The following SGSM1 variants were observed in gnomAD, a reference collection of about 807,000 sequenced individuals.
SGSM1 encodes the protein small G protein signaling modulator 1.
Under a neutral mutation model 133.8 loss-of-function variants are expected in SGSM1, and 73 were observed. The ratio of observed to expected loss-of-function variants is 0.55; its 90% CI spans 0.45 to 0.66. The LOEUF (loss-of-function observed/expected upper bound fraction) is 0.66. Ranked by LOEUF, SGSM1 falls within the 30% of genes least tolerant of loss-of-function variation. SGSM1 has a pLI of 0.00. For missense variants in SGSM1, 1,213 were observed against 1,448.1 expected, an observed-to-expected ratio of 0.84 and a Z score of 2.64; for synonymous variants, 563 against 573.0, an observed-to-expected ratio of 0.98 and a Z score of 0.25.
At chr22:24,826,930 A>G (rs1419225732) in intron 2 of SGSM1, among the ~76,000 whole-genome samples, 2 of 152,140 alleles carry the variant, frequency 1.3e-5, no homozygotes, top group African/African-American at 4.8e-5. Flanking sequence ...CTGAGGCCCA[A>G]GGTCACCCAG....
chr22:24,906,782 A>AT (rs932827204), intron 21 of SGSM1, among the ~76,000 whole-genome samples: 4 of 151,986 alleles, frequency 2.6e-5, no homozygotes, highest in Non-Finnish European at 4.4e-5. Context: ...AAAATAAAAC[A>AT]TAAAAAAAAG....
intron 14 of SGSM1, among the ~76,000 whole-genome samples, chr22:24,883,494 T>A (rs1417629537): frequency 6.6e-6 from 1 of 152,162 alleles, no homozygotes; most frequent in Non-Finnish European, 1.5e-5. Context: ...TGCTTTGGCT[T>A]AGAGCAGAGA....
intron 22 of SGSM1, among the ~76,000 whole-genome samples, chr22:24,915,540 A>G (rs903766231): frequency 1.3e-5 from 2 of 151,994 alleles, no homozygotes; most frequent in African/African-American, 2.4e-5. Flanking sequence ...GTGATTTATA[A>G]TTTTTTTTAT....
At chr22:24,893,302 G>T (rs866575580) in intron 16 of SGSM1, 129 bp from the exon 17 acceptor site, 3 of 970,058 alleles carry the variant, frequency 3.1e-6, no homozygotes, top group East Asian at 5.4e-5. Flanking sequence ...TAGGTGCTCA[G>T]TTAATATCTG....
At chr22:24,807,284 A>G (rs1927462360) in intron 2 of SGSM1, among the ~76,000 whole-genome samples, 1 of 152,070 alleles carries the variant, frequency 6.6e-6, no homozygotes, top group African/African-American at 2.4e-5. Context: ...TGCATGGGTG[A>G]GGACCTGTGG....
chr22:24,906,994 A>G (rs1479447219), intron 21 of SGSM1, among the ~76,000 whole-genome samples: 6 of 150,146 alleles, frequency 4.0e-5, no homozygotes, highest in African/African-American at 1.5e-4. Context: ...GGCATGGTGG[A>G]TCACGCCTGT....
At chr22:24,881,038 A>G (rs892071989) in intron 14 of SGSM1, among the ~76,000 whole-genome samples, 3 of 151,744 alleles carry the variant, frequency 2.0e-5, no homozygotes, top group Admixed American at 1.3e-4. Context: ...TAAAAATACA[A>G]AAAAATTGGC....
intron 2 of SGSM1, among the ~76,000 whole-genome samples, chr22:24,822,088 C>CTCTCTTTTTTTTTTTTTTTTTTTTTTT (rs1555920070): frequency 1.0e-5 from 1 of 96,178 alleles, no homozygotes; most frequent in East Asian, 3.9e-4. Context: ...TCATCTCTCT[C>CTCTCTTTTTTTTTTTTTTTTTTTTTTT]TTTTTTTTTT....
At position 24,884,197 on chromosome 22, in the gene SGSM1, C is replaced by T; in HGVS notation, c.1640C>T (p.Thr547Ile). 6.2e-7 allele frequency: 1 copy of T among 1,612,618 alleles called. No individual in the cohort carries two copies. The highest frequency in any genetic ancestry group is 8.5e-7 in the Non-Finnish European group (1 of 1,178,918). ...TGGGAGCAGTACCTTCACGACAGCA[C>T]AGTAAGGCTTAGCTGGGCTTGGTCT... ...RIWEQYLHDSTSYEEQELLRL... is the reference protein window; with the variant it reads ...RIWEQYLHDSISYEEQELLRL... The change falls in exon 15 of 25, where the codon ACA becomes ATA. Residue 547 changes from threonine to isoleucine, a missense_variant and splice_region_variant. Coordinates refer to ENST00000400358, the MANE Select transcript of SGSM1 (RefSeq NM_001098497.3).
intron 12 of SGSM1, 90 bp downstream of exon 12, chr22:24,868,945 C>T: frequency 6.6e-7 from 1 of 1,525,416 alleles, no homozygotes; most frequent in Non-Finnish European, 8.8e-7. Flanking sequence ...GATGACAGGT[C>T]TGGATTCTGG....
chr22:24,874,528 G>A lies in SGSM1; in HGVS notation c.1292-2049G>A, dbSNP rs191931854. Reference sequence around the variant, plus strand: ...GGCCAGAGGGAGTCAGTGGGAGCCAGCCAGATGGGACACTACTCTCCCCAC... The same window carrying A: ...GGCCAGAGGGAGTCAGTGGGAGCCAACCAGATGGGACACTACTCTCCCCAC... On this transcript the variant is annotated intron_variant, in intron 12 of 24. Coordinates refer to ENST00000400358, the MANE Select transcript of SGSM1 (RefSeq NM_001098497.3). The A allele has an allele frequency of 1.2e-4, 190 of 1,612,248 alleles. No homozygotes were observed. The East Asian group carries it at 3.7e-3, about 31-fold the overall frequency.
At chr22:24,924,114 C>A in intron 24 of SGSM1, 72 bp from the exon 25 acceptor site, 1 of 1,414,106 alleles carries the variant, frequency 7.1e-7, no homozygotes, top group Non-Finnish European at 9.9e-7. Context: ...GAGAAGCCTC[C>A]AGGGGCTGGA....
At chr22:24,822,570 T>C (rs1403168939) in intron 2 of SGSM1, among the ~76,000 whole-genome samples, 1 of 152,200 alleles carries the variant, frequency 6.6e-6, no homozygotes, top group Non-Finnish European at 1.5e-5. Flanking sequence ...ACGATTCCTC[T>C]TGGGGAGCTG....
chr22:24,811,954 A>G (rs1234553949), intron 2 of SGSM1, among the ~76,000 whole-genome samples: 4 of 151,566 alleles, frequency 2.6e-5, no homozygotes, highest in Non-Finnish European at 5.9e-5. Flanking sequence ...GGATCACTTG[A>G]GGTCAGGAGT....
In SGSM1 at chr22:24,898,096, C is replaced by T. The variant is rs764964459; in HGVS notation, c.2147C>T (p.Ser716Phe). 4 of 1,613,854 alleles carry T rather than the reference C, an allele frequency of 2.5e-6. No homozygotes were observed. The East Asian group carries it at 8.9e-5, about 36-fold the overall frequency. The change falls in exon 19 of 25, where the codon TCC (serine) becomes TTC (phenylalanine). Residue 716 changes from serine to phenylalanine, a missense_variant. Physicochemically the swap from Ser to Phe is radical, Grantham distance 155. Transcript: ENST00000400358. ...GTCSPDSGHP[S>F]SHNFSSGLSE... ...TGTTCCCCAGACTCGGGTCATCCTT[C>T]CTCCCATAACTTCTCCTCGGGCCTC...
At chr22:24,903,244 T>C (rs1033679241) in intron 20 of SGSM1, among the ~76,000 whole-genome samples, 1 of 152,000 alleles carries the variant, frequency 6.6e-6, no homozygotes, top group African/African-American at 2.4e-5. Context: ...AGTCTCGCTC[T>C]GTTGCCCAGG....
At chr22:24,885,524 C>T (rs1362180098) in intron 15 of SGSM1, among the ~76,000 whole-genome samples, 5 of 151,026 alleles carry the variant, frequency 3.3e-5, no homozygotes, top group African/African-American at 4.9e-5. Context: ...CTGCAAGCTC[C>T]GCTTCCCGGG....
chr22:24,868,232 C>T, intron 10 of SGSM1, 144 bp from the exon 11 acceptor site: 1 of 1,152,468 alleles, frequency 8.7e-7, no homozygotes, highest in African/African-American at 1.6e-5. Context: ...TGCTCCTGAC[C>T]TTTGCCCAGG....
At position 24,814,829 on chromosome 22, in the gene SGSM1, A is replaced by T. The variant is rs567500378; in HGVS notation, c.63+8345A>T. On this transcript the variant is annotated intron_variant, in intron 2 of 24. Transcript: ENST00000400358. ...ATTTAGTCAGAAGAGATATTTCTTG[A>T]GGTCCAAAGGGACAAGCCCTCTAAT... 2.6e-5 allele frequency among the ~76,000 whole-genome samples: 4 copies of T among 152,306 alleles called. No homozygotes were observed. The South Asian group carries it at 8.3e-4, about 32-fold the overall frequency.
Sources: gnomAD v4.1 joint callset for allele counts (sites outside exome capture counted in the v4.1 genomes callset) on GRCh38, gnomAD v4.1.1 for gene constraint, MANE v1.5 for transcripts, NCBI Gene and HGNC (gene_info 2026-07-23, HGNC 2026-07-21) for gene names.